Variants in MYO1D observed in about 807,000 individuals in gnomAD.
The protein encoded by MYO1D is myosin ID, also known as unconventional myosin-Id.
Under a neutral mutation model 122.0 loss-of-function variants are expected in MYO1D, and 83 were observed. The observed-to-expected ratio is 0.68, with a 90% confidence interval of 0.57 to 0.82. MYO1D has a LOEUF of 0.82. MYO1D is among the 40% of genes least tolerant of loss of function. The pLI is 0.00. For missense variants in MYO1D, 1,157 were observed against 1,269.5 expected, an observed-to-expected ratio of 0.91 and a Z score of 1.35; for synonymous variants, 464 against 446.9, an observed-to-expected ratio of 1.04 and a Z score of -0.48.
At chr17:32,646,240 T>C (rs1275606306) in intron 19 of MYO1D, among the ~76,000 whole-genome samples, 1 of 152,188 alleles carries the variant, frequency 6.6e-6, no homozygotes, top group Non-Finnish European at 1.5e-5. Flanking sequence ...CTACAAATAT[T>C]CAATAGAACA....
At chr17:32,520,201 A>C (rs2150866205) in intron 21 of MYO1D, among the ~76,000 whole-genome samples, 1 of 152,246 alleles carries the variant, frequency 6.6e-6, no homozygotes, top group African/African-American at 2.4e-5. Context: ...GTACTCTGTG[A>C]GGGTGGAAAC....
chr17:32,642,850 T>C (rs1217478053), intron 19 of MYO1D, among the ~76,000 whole-genome samples: 1 of 152,208 alleles, frequency 6.6e-6, no homozygotes, highest in Non-Finnish European at 1.5e-5. Context: ...TTTCTAGATA[T>C]ACAATCATGT....
rs35969680 is a variant in MYO1D at position 32,512,189 on chromosome 17, AC to A, written c.2865-17275del. On this transcript the variant is annotated intron_variant, in intron 21 of 21. Transcript: ENST00000318217. ...GTGGTGCATGCCTGTAATCCCAGCTACTTGGGAGGCTGAGGCAGGCGAATCA... is the reference window on the plus strand; with the variant it reads ...GTGGTGCATGCCTGTAATCCCAGCTATTGGGAGGCTGAGGCAGGCGAATCA... Among the ~76,000 whole-genome samples, 180 of 152,202 alleles carry A rather than the reference AC, an allele frequency of 1.2e-3. 2 individuals are homozygous for A. The highest frequency in any genetic ancestry group is 4.0e-3 in the African/African-American group (167 of 41,534).
chr17:32,645,415 C>T (rs975714260), intron 19 of MYO1D, among the ~76,000 whole-genome samples: 2 of 151,922 alleles, frequency 1.3e-5, no homozygotes, highest in African/African-American at 4.8e-5. Context: ...ATCTTTGTGG[C>T]GTTCTCTGTA....
chr17:32,659,549 T>C (rs1242791630), intron 16 of MYO1D: 1 of 582,494 alleles, frequency 1.7e-6, no homozygotes. Flanking sequence ...GCTGTCTAGC[T>C]GCTCATTATT....
intron 16 of MYO1D, among the ~76,000 whole-genome samples, chr17:32,671,381 A>AG: frequency 6.6e-6 from 1 of 152,322 alleles, no homozygotes; most frequent in African/African-American, 2.4e-5. Flanking sequence ...AGTCTAGCAA[A>AG]GGGGCCAAGA....
intron 1 of MYO1D, among the ~76,000 whole-genome samples, chr17:32,822,788 T>A (rs918005725): frequency 2.6e-5 from 4 of 151,592 alleles, no homozygotes; most frequent in South Asian, 4.1e-4. Context: ...CCGGCCGACC[T>A]CCGCTCGCGA....
intron 20 of MYO1D, among the ~76,000 whole-genome samples, chr17:32,610,126 GAC>G (rs2087681659): frequency 6.6e-6 from 1 of 152,150 alleles, no homozygotes; most frequent in African/African-American, 2.4e-5. Context: ...AGGGAAAAGA[GAC>G]AGATTCGGCA....
chr17:32,524,813 G>A (rs758603633), intron 21 of MYO1D, among the ~76,000 whole-genome samples: 2 of 152,042 alleles, frequency 1.3e-5, no homozygotes, highest in African/African-American at 2.4e-5. Context: ...CACCCACCTT[G>A]GCCTCCCAAA....
chr17:32,552,482 C>T (rs1422552737), intron 21 of MYO1D, among the ~76,000 whole-genome samples: 1 of 96,568 alleles, frequency 1.0e-5, no homozygotes, highest in Non-Finnish European at 2.2e-5. Flanking sequence ...CCCTCCCCTC[C>T]TTGTCTCCCT....
intron 21 of MYO1D, among the ~76,000 whole-genome samples, chr17:32,503,053 C>T (rs1567868658): frequency 1.3e-5 from 2 of 152,202 alleles, no homozygotes; most frequent in African/African-American, 2.4e-5. Context: ...TATCAAATTA[C>T]TTTCCTTCAT....
chr17:32,841,331 C>T (rs901408775), intron 1 of MYO1D, among the ~76,000 whole-genome samples: 17 of 151,986 alleles, frequency 1.1e-4, no homozygotes, highest in African/African-American at 3.6e-4. Flanking sequence ...TAGCCAGGCA[C>T]GGTTGCATGC....
chr17:32,844,311 T>G (rs1443094699), intron 1 of MYO1D, among the ~76,000 whole-genome samples: 1 of 146,900 alleles, frequency 6.8e-6, no homozygotes, highest in Non-Finnish European at 1.5e-5. Context: ...ATAATATGCA[T>G]ATGTATATAT....
At chr17:32,628,819 A>G (rs2150931652) in intron 20 of MYO1D, among the ~76,000 whole-genome samples, 1 of 152,364 alleles carries the variant, frequency 6.6e-6, no homozygotes, top group Non-Finnish European at 1.5e-5. Flanking sequence ...CACTTTGGAA[A>G]ATACTGGCAG....
At chr17:32,872,424 C>T (rs1262892161) in intron 1 of MYO1D, among the ~76,000 whole-genome samples, 1 of 151,934 alleles carries the variant, frequency 6.6e-6, no homozygotes, top group Non-Finnish European at 1.5e-5. Context: ...AGGCACCCAC[C>T]ACCACGCCTG....
intron 17 of MYO1D, among the ~76,000 whole-genome samples, chr17:32,655,368 G>A (rs776968712): frequency 1.3e-5 from 2 of 152,184 alleles, no homozygotes; most frequent in African/African-American, 4.8e-5. Context: ...GCAAATATAT[G>A]AGTAGACATA....
intron 1 of MYO1D, among the ~76,000 whole-genome samples, chr17:32,826,069 A>AG (rs11399597): frequency 7.1e-6 from 1 of 141,680 alleles, no homozygotes; most frequent in Non-Finnish European, 1.5e-5. Flanking sequence ...AAAAAAAAAA[A>AG]GTGTATTACT....
chr17:32,579,078 T>C (rs1358094367), intron 21 of MYO1D, among the ~76,000 whole-genome samples: 1 of 152,206 alleles, frequency 6.6e-6, no homozygotes, highest in African/African-American at 2.4e-5. Flanking sequence ...TTTCCCTTTT[T>C]CTTTTTTTGA....
At position 32,651,736 on chromosome 17, in the gene MYO1D, C is replaced by T. The variant is rs569497505; in HGVS notation, c.2595+2107G>A. Reference sequence around the variant, plus strand: ...CTGTCACCCAGCTGGAGTGCAGTGGCACGATCTCGGCTCACTGCAACCTCT... The same window carrying T: ...CTGTCACCCAGCTGGAGTGCAGTGGTACGATCTCGGCTCACTGCAACCTCT... On this transcript the variant is annotated intron_variant, in intron 19 of 21. Coordinates refer to ENST00000318217, the MANE Select transcript of MYO1D (RefSeq NM_015194.3). Among the ~76,000 whole-genome samples, 13 of 147,942 alleles carry T rather than the reference C, an allele frequency of 8.8e-5. No individual in the cohort carries two copies. The South Asian group carries it at 2.6e-3, about 29-fold the overall frequency.
Sources: allele counts gnomAD v4.1 joint callset (sites outside exome capture counted in the v4.1 genomes callset), GRCh38; gene constraint gnomAD v4.1.1; transcripts MANE v1.5; gene names NCBI Gene and HGNC (gene_info 2026-07-23, HGNC 2026-07-21).